UGT2B17: variants seen among roughly 807,000 people sequenced by gnomAD.
UGT2B17 encodes UDP glucuronosyltransferase family 2 member B17, also known as UDP-glucuronosyltransferase 2B17.
UGT2B17 carries 21 observed loss-of-function variants against 48.2 expected under a neutral mutation model. The ratio of observed to expected loss-of-function variants is 0.44; its 90% CI spans 0.31 to 0.63. The LOEUF (loss-of-function observed/expected upper bound fraction) is 0.63. Ranked by LOEUF, UGT2B17 falls within the 20% of genes least tolerant of loss-of-function variation. The probability of loss-of-function intolerance (pLI) is 0.08; values close to 1 mark genes in which losing one functional copy is unlikely to be tolerated. For missense variants in UGT2B17, 402 were observed against 696.1 expected, an observed-to-expected ratio of 0.58 and a Z score of 4.75; for synonymous variants, 146 against 238.4, an observed-to-expected ratio of 0.61 and a Z score of 3.57.
chr4:68,537,988 C>A (rs187789897), intron 6 of UGT2B17, 84 bp from the exon 7 acceptor site: 2 of 985,364 alleles, frequency 2.0e-6, no homozygotes, highest in African/African-American at 1.7e-5. Context: ...CTTTGAAAAG[C>A]GCCACACAAG....
chr4:68,567,318 C>G (rs1731218048), intron 2 of UGT2B17, among the ~76,000 whole-genome samples: 1 of 126,188 alleles, frequency 7.9e-6, no homozygotes, highest in South Asian at 3.4e-4. Flanking sequence ...ATATGAAAAA[C>G]AAAATTTAAT....
chr4:68,545,205 A>C (rs1487132600), intron 6 of UGT2B17, among the ~76,000 whole-genome samples: 1 of 126,554 alleles, frequency 7.9e-6, no homozygotes, highest in African/African-American at 2.7e-5. Flanking sequence ...GTAAAAGAAC[A>C]GAAATTATAA....
rs1354518239 is a variant in UGT2B17 at position 68,552,158 on chromosome 4, G to A, written c.1006-247C>T. Among the ~76,000 whole-genome samples, 4 of 125,856 alleles carry A rather than the reference G, an allele frequency of 3.2e-5. 1 individual carries two copies. The highest frequency in any genetic ancestry group is 6.7e-5 in the Non-Finnish European group (4 of 59,388). The allele number at this position is 125,856 out of a possible 152,430, so 82.6% of individuals were successfully genotyped here. On this transcript the variant is annotated intron_variant, in intron 4 of 6. Transcript: ENST00000317746. The stretch of plus-strand genomic sequence containing the variant: ...TTTCTAACTTAATAGCTAGACACAT[G>A]AGAGTGTGAGAGGAAAATAAATCTT...
In UGT2B17 at chr4:68,559,530, G is replaced by C. The variant is rs1354935354; in HGVS notation, c.1005+1007C>G. Among the ~76,000 whole-genome samples the C allele has an allele frequency of 1.6e-5, 2 of 126,022 alleles. 1 individual carries two copies. Among genetic ancestry groups the C allele is most frequent in the East Asian group, 1.5e-3 (2 of 1,334 alleles). The allele number at this position is 126,022 out of a possible 152,430, so 82.7% of individuals were successfully genotyped here. A position where few individuals can be genotyped will look rare whatever the true frequency, so the allele number is the denominator to read the frequency against. ...AAGGTACTGATTTTAGATTTCCCAAGCAATCTTTATAAACTGGAGTAGAAT... is the reference window on the plus strand; with the variant it reads ...AAGGTACTGATTTTAGATTTCCCAACCAATCTTTATAAACTGGAGTAGAAT... On this transcript the variant is annotated intron_variant, in intron 4 of 6. Coordinates refer to ENST00000317746, the MANE Select transcript of UGT2B17 (RefSeq NM_001077.4).
chr4:68,542,181 G>T lies in UGT2B17; in HGVS notation c.1314-4277C>A. On this transcript the variant is annotated intron_variant, in intron 6 of 6. Coordinates refer to ENST00000317746, the MANE Select transcript of UGT2B17 (RefSeq NM_001077.4). ...GTTTGTCAAAGATCAGATGGTTGTAGATGTGTAATGTTATTTCTGAGGCGT... is the reference window on the plus strand; with the variant it reads ...GTTTGTCAAAGATCAGATGGTTGTATATGTGTAATGTTATTTCTGAGGCGT... 1.6e-5 allele frequency among the ~76,000 whole-genome samples: 2 copies of T among 126,472 alleles called. 1 individual carries two copies. The highest frequency in any genetic ancestry group is 3.3e-5 in the Non-Finnish European group (2 of 59,704). 83.0% of individuals were successfully genotyped at this position (126,472 alleles called of 152,430 possible).
intron 2 of UGT2B17, among the ~76,000 whole-genome samples, chr4:68,566,336 C>T (rs1731201906): frequency 8.2e-6 from 1 of 121,392 alleles, no homozygotes; most frequent in African/African-American, 2.8e-5. Context: ...AGTATATTCA[C>T]AATCATAAAT....
At position 68,573,676 on chromosome 4, in the gene UGT2B17, A is replaced by T. The variant is rs762219113; in HGVS notation, c.-65+2275T>A. On this transcript the variant is annotated intron_variant, in intron 1 of 6. Transcript: ENST00000317746. The stretch of plus-strand genomic sequence containing the variant: ...GGGATAGCCCAATGGACTAAGGCAC[A>T]AATGCCACTCTAGTTATTTGGCAGA... 4.7e-4 allele frequency among the ~76,000 whole-genome samples: 60 copies of T among 126,546 alleles called. 16 individuals carry two copies. Among genetic ancestry groups the T allele is most frequent in the Admixed American group, 2.4e-4 (3 of 12,340 alleles). 83.0% of individuals were successfully genotyped at this position (126,546 alleles called of 152,430 possible).
In UGT2B17 at chr4:68,571,950, A is replaced by T. The variant is rs1369906193; in HGVS notation, c.-64-3402T>A. Reference sequence around the variant, plus strand: ...AGTCCCTTTTTATCCATGTCTAATGATATATATTTTTCTTTTATTTTACTT... The same window carrying T: ...AGTCCCTTTTTATCCATGTCTAATGTTATATATTTTTCTTTTATTTTACTT... On this transcript the variant is annotated intron_variant, in intron 1 of 6. Coordinates refer to ENST00000317746, the MANE Select transcript of UGT2B17 (RefSeq NM_001077.4). Among the ~76,000 whole-genome samples the T allele has an allele frequency of 1.6e-5, 2 of 124,738 alleles. 1 individual carries two copies. Among genetic ancestry groups the T allele is most frequent in the Non-Finnish European group, 3.4e-5 (2 of 59,160 alleles). 81.8% of individuals were successfully genotyped at this position (124,738 alleles called of 152,430 possible).
At chr4:68,569,888 T>G (rs1234480051) in intron 1 of UGT2B17, among the ~76,000 whole-genome samples, 1 of 126,670 alleles carries the variant, frequency 7.9e-6, no homozygotes, top group Non-Finnish European at 1.7e-5. Context: ...TGCTCCGCAC[T>G]GCCTCGTGTT....
chr4:68,573,927 A>G lies in UGT2B17; in HGVS notation c.-65+2024T>C, dbSNP rs1379702038. Among the ~76,000 whole-genome samples the G allele has an allele frequency of 1.6e-5, 2 of 126,720 alleles. 1 individual carries two copies. Among genetic ancestry groups the G allele is most frequent in the Non-Finnish European group, 3.4e-5 (2 of 59,700 alleles). The allele number at this position is 126,720 out of a possible 152,430, so 83.1% of individuals were successfully genotyped here. A position where few individuals can be genotyped will look rare whatever the true frequency, so the allele number is the denominator to read the frequency against. On this transcript the variant is annotated intron_variant, in intron 1 of 6. Transcript: ENST00000317746. Reference sequence around the variant, plus strand: ...CTGACTGGCAGGGACTTCAGGATATAGCAGAGAGAGCTTGGCATGACTTAT... The same window carrying G: ...CTGACTGGCAGGGACTTCAGGATATGGCAGAGAGAGCTTGGCATGACTTAT...
chr4:68,546,306 C>T (rs1242188048), intron 6 of UGT2B17, among the ~76,000 whole-genome samples: 1 of 126,346 alleles, frequency 7.9e-6, no homozygotes, highest in Non-Finnish European at 1.7e-5. Flanking sequence ...AGCACATAAA[C>T]AGAACCAATG....
rs1297446543 is a variant in UGT2B17, at chr4:68,543,083, A to C, written c.1314-5179T>G. 1.6e-5 allele frequency among the ~76,000 whole-genome samples: 2 copies of C among 125,952 alleles called. 1 individual carries two copies. The highest frequency in any genetic ancestry group is 3.4e-5 in the Non-Finnish European group (2 of 59,446). 82.6% of individuals were successfully genotyped at this position (125,952 alleles called of 152,430 possible). On this transcript the variant is annotated intron_variant, in intron 6 of 6. Coordinates refer to ENST00000317746, the MANE Select transcript of UGT2B17 (RefSeq NM_001077.4). ...TAAATGTCCCTGTCTGACAGCTTTG[A>C]AAAGAGTAGTGGTTCTCCCAGCACG...
rs1401557332 is a variant in UGT2B17, at chr4:68,575,896, C to A, written c.-65+55G>T. Reference sequence around the variant, plus strand: ...GCCAACACAGGCACACCGTGGGTGACCAGGCCATGCTTCTACTCAGGTGGA... The same window carrying A: ...GCCAACACAGGCACACCGTGGGTGAACAGGCCATGCTTCTACTCAGGTGGA... On this transcript the variant is annotated intron_variant, in intron 1 of 6. Coordinates refer to ENST00000317746, the MANE Select transcript of UGT2B17 (RefSeq NM_001077.4). 2.4e-5 allele frequency among the ~76,000 whole-genome samples: 3 copies of A among 125,670 alleles called. 1 individual carries two copies. The Admixed American group carries it at 2.4e-4, about 10-fold the overall frequency. 82.4% of individuals were successfully genotyped at this position (125,670 alleles called of 152,430 possible). A position where few individuals can be genotyped will look rare whatever the true frequency, so the allele number is the denominator to read the frequency against.
At chr4:68,538,501 G>A (rs1248983588) in intron 6 of UGT2B17, among the ~76,000 whole-genome samples, 1 of 125,390 alleles carries the variant, frequency 8.0e-6, no homozygotes, top group Non-Finnish European at 1.7e-5. Context: ...GTCTCCCAAA[G>A]TGTTGGCCCT....
At position 68,542,122 on chromosome 4, in the gene UGT2B17, G is replaced by C. The variant is rs1260077188; in HGVS notation, c.1314-4218C>G. 2.4e-5 allele frequency among the ~76,000 whole-genome samples: 3 copies of C among 125,816 alleles called. 1 individual carries two copies. In the East Asian group the frequency reaches 2.3e-3, roughly 95 times the overall value. 82.5% of individuals were successfully genotyped at this position (125,816 alleles called of 152,430 possible). On this transcript the variant is annotated intron_variant, in intron 6 of 6. Coordinates refer to ENST00000317746, the MANE Select transcript of UGT2B17 (RefSeq NM_001077.4). Reference sequence around the variant, plus strand: ...TTTCCAAAACACCATTTATTAAATAGGGAATCCTTCCCCTAATTGCTTGTT... The same window carrying C: ...TTTCCAAAACACCATTTATTAAATACGGAATCCTTCCCCTAATTGCTTGTT...
At chr4:68,565,460 T>TGTCCTTG (rs1731180656) in intron 3 of UGT2B17, 112 bp downstream of exon 3, 1 of 1,009,072 alleles carries the variant, frequency 9.9e-7, no homozygotes, top group African/African-American at 1.8e-5. Context: ...GCAAGTCCTT[T>TGTCCTTG]TTTTTGACCT....
At chr4:68,556,535 T>C (rs1446298307) in intron 4 of UGT2B17, among the ~76,000 whole-genome samples, 2 of 125,604 alleles carry the variant, frequency 1.6e-5, no homozygotes, top group African/African-American at 2.7e-5. Flanking sequence ...TAAGTTCCGT[T>C]TATGCATAAA....
chr4:68,545,494 C>T lies in UGT2B17; in HGVS notation c.1313+5183G>A, dbSNP rs1457404214. 4.8e-5 allele frequency among the ~76,000 whole-genome samples: 6 copies of T among 125,082 alleles called. 1 individual carries two copies. The highest frequency in any genetic ancestry group is 1.6e-4 in the African/African-American group (6 of 36,412). 82.1% of individuals were successfully genotyped at this position (125,082 alleles called of 152,430 possible). On this transcript the variant is annotated intron_variant, in intron 6 of 6. Transcript: ENST00000317746. ...GCAGGAAACATCTAAAATTGACACC[C>T]TAACGTCACAATTAAAAGAACTAGA...
rs1299546744 is a variant in UGT2B17 at position 68,546,348 on chromosome 4, A to T, written c.1313+4329T>A. Among the ~76,000 whole-genome samples the T allele has an allele frequency of 3.2e-5, 4 of 126,932 alleles. 2 individuals are homozygous for T. The highest frequency in any genetic ancestry group is 1.6e-4 in the Admixed American group (2 of 12,426). 83.3% of individuals were successfully genotyped at this position (126,932 alleles called of 152,430 possible). A position where few individuals can be genotyped will look rare whatever the true frequency, so the allele number is the denominator to read the frequency against. ...ACCACATGATTATCTCAATAGATGCAGAAAAGACCTTTGACAAAATTCAAC... is the reference window on the plus strand; with the variant it reads ...ACCACATGATTATCTCAATAGATGCTGAAAAGACCTTTGACAAAATTCAAC... On this transcript the variant is annotated intron_variant, in intron 6 of 6. Coordinates refer to ENST00000317746, the MANE Select transcript of UGT2B17 (RefSeq NM_001077.4).
Sources: allele counts gnomAD v4.1 joint callset (sites outside exome capture counted in the v4.1 genomes callset), GRCh38; gene constraint gnomAD v4.1.1; transcripts MANE v1.5; gene names NCBI Gene and HGNC (gene_info 2026-07-23, HGNC 2026-07-21).